The following TTC7B variants were observed in gnomAD, a reference collection of about 807,000 sequenced individuals.
TTC7B encodes tetratricopeptide repeat protein 7B.
TTC7B carries 28 observed loss-of-function variants against 106.8 expected under a neutral mutation model. The ratio of observed to expected loss-of-function variants is 0.26; its 90% CI spans 0.19 to 0.36. The LOEUF (loss-of-function observed/expected upper bound fraction) is 0.36. Among genes scored for constraint, TTC7B ranks in the 10% least tolerant of loss-of-function variants. TTC7B has a pLI of 1.00. For missense variants in TTC7B, 862 were observed against 1,076.4 expected (o/e 0.80, Z 2.79); for synonymous variants, 405 against 430.6 (o/e 0.94, Z 0.74).
chr14:90,598,386 A>G (rs893559332), intron 17 of TTC7B, among the ~76,000 whole-genome samples: 3 of 152,176 alleles, frequency 2.0e-5, no homozygotes, highest in African/African-American at 7.2e-5. Context: ...GACACCTGAT[A>G]CAGAGGCAAA....
chr14:90,712,150 G>A lies in TTC7B; in HGVS notation c.699-16572C>T, dbSNP rs1362902748. Among the ~76,000 whole-genome samples, 4 of 152,202 alleles carry A rather than the reference G, an allele frequency of 2.6e-5. No individual in the cohort carries two copies. In the East Asian group the frequency reaches 7.7e-4, roughly 29 times the overall value. ...GACTTTAAATCAAAGAATATTACTA[G>A]AGACAAGAGGCATCTATCAAAAACC... On this transcript the variant is annotated intron_variant, in intron 5 of 19. Coordinates refer to ENST00000328459, the MANE Select transcript of TTC7B (RefSeq NM_001010854.2).
intron 5 of TTC7B, among the ~76,000 whole-genome samples, chr14:90,729,645 CT>C (rs1372755073): frequency 2.0e-5 from 3 of 152,340 alleles, no homozygotes; most frequent in African/African-American, 7.2e-5. Flanking sequence ...TAAAAACTGG[CT>C]GAGATTTGGC....
chr14:90,695,033 TTTATTTTATTATAAAATATA>T (rs1887663182), intron 6 of TTC7B, among the ~76,000 whole-genome samples: 31 of 49,920 alleles, frequency 6.2e-4, no homozygotes, highest in East Asian at 2.7e-3. Context: ...ATGTATATTT[TTTATTTTATTATAAAATATA>T]TTTTATTTTA....
At chr14:90,629,153 C>A (rs1884579019) in intron 15 of TTC7B, among the ~76,000 whole-genome samples, 1 of 152,214 alleles carries the variant, frequency 6.6e-6, no homozygotes. Flanking sequence ...ATCAATTCTC[C>A]CCAGTTGTTT....
At chr14:90,735,372 T>C (rs1359220137) in intron 4 of TTC7B, among the ~76,000 whole-genome samples, 1 of 151,276 alleles carries the variant, frequency 6.6e-6, no homozygotes, top group Admixed American at 6.6e-5. Flanking sequence ...CCAGGTGTGG[T>C]GGTGTGTACC....
intron 3 of TTC7B, among the ~76,000 whole-genome samples, chr14:90,761,944 A>G (rs887442410): frequency 3.9e-5 from 6 of 152,214 alleles, no homozygotes; most frequent in African/African-American, 1.4e-4. Context: ...TAGGATAATG[A>G]AAACATTCTA....
chr14:90,591,453 G>A (rs1217816842), intron 18 of TTC7B, among the ~76,000 whole-genome samples: 2 of 152,318 alleles, frequency 1.3e-5, no homozygotes, highest in African/African-American at 4.8e-5. Flanking sequence ...GGCAGGCCAC[G>A]CAAAGTGGGG....
intron 9 of TTC7B, among the ~76,000 whole-genome samples, chr14:90,660,387 C>A (rs1886141691): frequency 9.5e-6 from 1 of 105,378 alleles, no homozygotes; most frequent in African/African-American, 4.0e-5. Context: ...AGCAAGACCA[C>A]CCTGTCTCAA....
At position 90,689,577 on chromosome 14, in the gene TTC7B, T is replaced by C. The variant is rs1440023673; in HGVS notation, c.913A>G (p.Thr305Ala). ...LRKGANTKTYTLTRRARVYSG... is the reference protein window; with the variant it reads ...LRKGANTKTYALTRRARVYSG... ...TAGACACGGGCTCTCCGAGTGAGAGTGTAGGTTTTTGTGTTTGCTCCTTTG... is the reference window on the plus strand; with the variant it reads ...TAGACACGGGCTCTCCGAGTGAGAGCGTAGGTTTTTGTGTTTGCTCCTTTG... The change falls in exon 7 of 20, where the codon ACT becomes GCT. Residue 305 changes from threonine to alanine, a missense_variant. By Grantham distance (58) the Thr-to-Ala change is moderately conservative. Coordinates refer to ENST00000328459, the MANE Select transcript of TTC7B (RefSeq NM_001010854.2). The C allele has an allele frequency of 6.2e-7, 1 of 1,613,930 alleles. No homozygotes were observed. Among genetic ancestry groups the C allele is most frequent in the African/African-American group, 1.3e-5 (1 of 74,972 alleles).
chr14:90,645,813 A>G (rs893646165), intron 14 of TTC7B, among the ~76,000 whole-genome samples: 3 of 152,218 alleles, frequency 2.0e-5, no homozygotes, highest in African/African-American at 7.2e-5. Context: ...AGTGCTGAAC[A>G]CATGTCAGGT....
intron 18 of TTC7B, among the ~76,000 whole-genome samples, chr14:90,584,311 C>A (rs34012905): frequency 0.012 from 1,756 of 152,328 alleles, 24 homozygotes; most frequent in Middle Eastern, 0.02. Flanking sequence ...GTCTAGTTTC[C>A]TCGTTCATTC....
chr14:90,633,245 T>A (rs1031571996), intron 15 of TTC7B, among the ~76,000 whole-genome samples: 2 of 152,248 alleles, frequency 1.3e-5, no homozygotes, highest in Non-Finnish European at 2.9e-5. Context: ...GATGTTTTCT[T>A]AAGTGTGCTA....
chr14:90,566,318 T>C (rs1890796043), intron 19 of TTC7B, among the ~76,000 whole-genome samples: 1 of 150,658 alleles, frequency 6.6e-6, no homozygotes, highest in Non-Finnish European at 1.5e-5. Context: ...TACTCCAGCA[T>C]GGGGAACAAA....
chr14:90,595,487 G>A (rs1892165880), intron 17 of TTC7B, among the ~76,000 whole-genome samples: 1 of 152,166 alleles, frequency 6.6e-6, no homozygotes, highest in African/African-American at 2.4e-5. Context: ...ATAGCAAAAT[G>A]ATTAAACTGC....
In TTC7B at chr14:90,608,218, C is replaced by A. The variant is rs1892727534; in HGVS notation, c.1966+2524G>T. Among the ~76,000 whole-genome samples the A allele has an allele frequency of 6.6e-6, 1 of 152,186 alleles. No individual in the cohort carries two copies. The highest frequency in any genetic ancestry group is 2.1e-4 in the South Asian group (1 of 4,828). On this transcript the variant is annotated intron_variant, in intron 17 of 19. Transcript: ENST00000328459. The surrounding 1 kb of genome is among the most constrained non-coding windows in gnomAD (Gnocchi z 5.1). ...CATTTTTCCCCATTTTTAGGCAAGC[C>A]TTCCCAACGTGTAAGTTTCTTTGAT...
chr14:90,552,198 C>T (rs1476476239), intron 19 of TTC7B, among the ~76,000 whole-genome samples: 1 of 152,168 alleles, frequency 6.6e-6, no homozygotes, highest in African/African-American at 2.4e-5. Flanking sequence ...CCCGTCAGAG[C>T]TCCACCGTGG....
rs1795438180 is a variant in TTC7B at position 90,669,750 on chromosome 14, T to C, written c.1152+6773A>G. On this transcript the variant is annotated intron_variant, in intron 9 of 19. Coordinates refer to ENST00000328459, the MANE Select transcript of TTC7B (RefSeq NM_001010854.2). ...AGATATCACATCACACCTACCAGAA[T>C]GTCTATATTAATAATAATTTAAAAA... 2.0e-5 allele frequency among the ~76,000 whole-genome samples: 3 copies of C among 152,188 alleles called. No individual in the cohort carries two copies. In the South Asian group the frequency reaches 6.2e-4, roughly 32 times the overall value.
At chr14:90,558,120 C>T (rs1890403074) in intron 19 of TTC7B, among the ~76,000 whole-genome samples, 1 of 152,262 alleles carries the variant, frequency 6.6e-6, no homozygotes, top group South Asian at 2.1e-4. Flanking sequence ...GCCACGCCTG[C>T]CGTCCAGCCC....
chr14:90,738,945 G>A (rs751096297), intron 4 of TTC7B, among the ~76,000 whole-genome samples: 12 of 152,010 alleles, frequency 7.9e-5, no homozygotes, highest in South Asian at 4.2e-4. Flanking sequence ...GGATCGCTTC[G>A]GCCTGCGAGG....
Sources: gnomAD v4.1 joint callset for allele counts (sites outside exome capture counted in the v4.1 genomes callset) on GRCh38, gnomAD v4.1.1 for gene constraint, Gnocchi (gnomAD v3.1) non-coding constraint, MANE v1.5 for transcripts, NCBI Gene and HGNC (gene_info 2026-07-23, HGNC 2026-07-21) for gene names.